Variants in FRMD4A observed in about 807,000 individuals in gnomAD.
FRMD4A encodes the protein FERM domain-containing protein 4A.
FRMD4A carries 29 observed loss-of-function variants against 129.1 expected under a neutral mutation model. That is an observed-to-expected ratio of 0.22 (90% CI 0.17 to 0.31). The LOEUF (loss-of-function observed/expected upper bound fraction) is 0.31. FRMD4A is among the 10% of genes least tolerant of loss of function. The probability of loss-of-function intolerance (pLI) is 1.00; values close to 1 mark genes in which losing one functional copy is unlikely to be tolerated. For synonymous variants in FRMD4A, 634 were observed against 571.6 expected, an observed-to-expected ratio of 1.11 and a Z score of -1.56; for missense variants, 1,272 against 1,375.8, an observed-to-expected ratio of 0.92 and a Z score of 1.19.
intron 15 of FRMD4A, among the ~76,000 whole-genome samples, chr10:13,681,256 G>T (rs1015678243): frequency 6.6e-6 from 1 of 152,188 alleles, no homozygotes. Context: ...GGGCTGGAAG[G>T]GTGTGTCTCA....
At chr10:13,963,161 G>A (rs1444879027) in intron 2 of FRMD4A, among the ~76,000 whole-genome samples, 1 of 151,956 alleles carries the variant, frequency 6.6e-6, no homozygotes, top group Non-Finnish European at 1.5e-5. Flanking sequence ...TTACTGACAG[G>A]CACCTACAGC....
At chr10:14,215,175 C>A (rs184818822) in intron 2 of FRMD4A, among the ~76,000 whole-genome samples, 3 of 152,042 alleles carry the variant, frequency 2.0e-5, no homozygotes, top group African/African-American at 7.2e-5. Flanking sequence ...ATTGTCTTAA[C>A]GAAAAAGCCG....
rs139447647 is a variant in FRMD4A, at chr10:13,736,327, A to G, written c.759+1517T>C. ...GGGAGGAAGAGGTATGGATCCCACA[A>G]TTGAGGAACACAAAGCCAGAAAAGG... On this transcript the variant is annotated intron_variant, in intron 12 of 24. Coordinates refer to ENST00000357447, the MANE Select transcript of FRMD4A (RefSeq NM_018027.5). Among the ~76,000 whole-genome samples the G allele has an allele frequency of 1.3e-3, 205 of 152,334 alleles. 2 individuals carry two copies. The highest frequency in any genetic ancestry group is 4.8e-3 in the African/African-American group (199 of 41,586).
intron 2 of FRMD4A, among the ~76,000 whole-genome samples, chr10:14,185,743 A>C (rs1422611462): frequency 1.3e-5 from 2 of 152,232 alleles, no homozygotes; most frequent in Non-Finnish European, 2.9e-5. Flanking sequence ...TGGCAACAGC[A>C]GTAGACCAGG....
At chr10:13,924,744 G>A (rs747812286) in intron 2 of FRMD4A, among the ~76,000 whole-genome samples, 1 of 152,038 alleles carries the variant, frequency 6.6e-6, no homozygotes, top group Non-Finnish European at 1.5e-5. Context: ...TATTCTCGGC[G>A]TTATCCCTGA....
In FRMD4A at chr10:13,657,090, G is replaced by A. The variant is rs779605504; in HGVS notation, c.2499C>T (p.Arg833=). The part of the protein sequence containing the change: ...HSQSQPSSQY[R]IKEYPLYIEG... The stretch of plus-strand genomic sequence containing the variant: ...CGATGTACAGCGGGTACTCCTTGAT[G>A]CGGTACTGCGAGCTGGGCTGGCTCT... The change falls in exon 22 of 25, where the codon CGC becomes CGT. Residue 833 remains arginine, a synonymous_variant. Coordinates refer to ENST00000357447, the MANE Select transcript of FRMD4A (RefSeq NM_018027.5). The A allele has an allele frequency of 7.6e-6, 12 of 1,574,428 alleles. No individual in the cohort carries two copies. The African/African-American group carries it at 1.4e-4, about 18-fold the overall frequency.
At chr10:14,188,069 T>G (rs1372189812) in intron 2 of FRMD4A, among the ~76,000 whole-genome samples, 1 of 152,176 alleles carries the variant, frequency 6.6e-6, no homozygotes, top group African/African-American at 2.4e-5. Context: ...CCAAAGGAGC[T>G]CCTTCCTTAG....
intron 2 of FRMD4A, among the ~76,000 whole-genome samples, chr10:13,879,901 C>T (rs534141801): frequency 6.6e-6 from 1 of 151,954 alleles, no homozygotes; most frequent in Non-Finnish European, 1.5e-5. Context: ...CTACCTCAGC[C>T]TCCCAAGTTG....
intron 3 of FRMD4A, among the ~76,000 whole-genome samples, chr10:13,844,104 C>A (rs144366033): frequency 6.6e-6 from 1 of 151,912 alleles, no homozygotes; most frequent in African/African-American, 2.4e-5. Context: ...TATATGAATG[C>A]GTATGTGAGT....
At chr10:13,948,030 T>C (rs1307474623) in intron 2 of FRMD4A, among the ~76,000 whole-genome samples, 1 of 150,498 alleles carries the variant, frequency 6.6e-6, no homozygotes, top group African/African-American at 2.4e-5. Flanking sequence ...AGATCTTGCC[T>C]CTATAAAAAA....
intron 4 of FRMD4A, among the ~76,000 whole-genome samples, chr10:13,806,988 T>C (rs1218813727): frequency 1.3e-5 from 2 of 152,136 alleles, no homozygotes; most frequent in African/African-American, 4.8e-5. Flanking sequence ...TTTGTATTTT[T>C]AGTAGAGGTG....
chr10:14,046,312 G>A (rs753838026), intron 2 of FRMD4A, among the ~76,000 whole-genome samples: 8 of 152,138 alleles, frequency 5.3e-5, no homozygotes, highest in Non-Finnish European at 1.2e-4. Flanking sequence ...ACAGTGATAA[G>A]GAGTTGTGAC....
chr10:14,115,764 C>G (rs1838167476), intron 2 of FRMD4A, among the ~76,000 whole-genome samples: 1 of 152,196 alleles, frequency 6.6e-6, no homozygotes, highest in South Asian at 2.1e-4. Flanking sequence ...TGATTGGAAG[C>G]TTCCTGAGGT....
chr10:13,708,546 ACT>A (rs1177705855), intron 12 of FRMD4A, among the ~76,000 whole-genome samples: 1 of 152,118 alleles, frequency 6.6e-6, no homozygotes, highest in Non-Finnish European at 1.5e-5. Context: ...AGTGCATTTC[ACT>A]CTGAAGCCCA....
chr10:13,852,085 C>T (rs1281603906), intron 3 of FRMD4A, among the ~76,000 whole-genome samples: 2 of 151,778 alleles, frequency 1.3e-5, no homozygotes, highest in Non-Finnish European at 2.9e-5. Context: ...ATGTAATATG[C>T]TTGAATCATC....
chr10:14,066,099 T>C (rs962326242), intron 2 of FRMD4A, among the ~76,000 whole-genome samples: 2 of 150,750 alleles, frequency 1.3e-5, no homozygotes, highest in Non-Finnish European at 2.9e-5. Flanking sequence ...GCCTGCAGTA[T>C]ATCCTTTGGA....
At chr10:13,919,927 G>T (rs147544287) in intron 2 of FRMD4A, among the ~76,000 whole-genome samples, 9,438 of 152,188 alleles carry the variant, frequency 0.062, 960 homozygotes, top group African/African-American at 0.21. Context: ...GACAGAGTCA[G>T]ATCCTGTCTC....
chr10:14,250,378 C>A (rs1844394837), intron 2 of FRMD4A, among the ~76,000 whole-genome samples: 2 of 152,194 alleles, frequency 1.3e-5, no homozygotes, highest in Non-Finnish European at 2.9e-5. Context: ...AGGAGAAATA[C>A]CTGGTGAAAA....
chr10:14,080,269 C>T (rs906003389), intron 2 of FRMD4A, among the ~76,000 whole-genome samples: 3 of 152,154 alleles, frequency 2.0e-5, no homozygotes, highest in Non-Finnish European at 4.4e-5. Context: ...TATTTCCAAA[C>T]AGCCCATTCC....
Sources: gnomAD v4.1 joint callset for allele counts (sites outside exome capture counted in the v4.1 genomes callset) on GRCh38, gnomAD v4.1.1 for gene constraint, MANE v1.5 for transcripts, NCBI Gene and HGNC (gene_info 2026-07-23, HGNC 2026-07-21) for gene names.